The following MAMDC2 variants were observed in gnomAD, a reference collection of about 807,000 sequenced individuals.
MAMDC2 encodes the protein MAM domain containing 2, also known as MAM domain-containing protein 2.
A neutral mutation model predicts 89.8 loss-of-function variants in MAMDC2; 57 were observed. The observed-to-expected ratio is 0.63, with a 90% CI of 0.51 to 0.79. The LOEUF is 0.79. Ranked by LOEUF, MAMDC2 falls within the 30% of genes least tolerant of loss-of-function variation. MAMDC2 has a pLI of 0.00. For synonymous variants in MAMDC2, 313 were observed against 293.4 expected (o/e 1.07, Z -0.68); for missense variants, 800 against 820.6 (o/e 0.97, Z 0.31).
intron 5 of MAMDC2, chr9:70,113,694 C>G (rs1365145138): frequency 1.3e-5 from 2 of 154,320 alleles, no homozygotes; most frequent in Non-Finnish European, 2.9e-5. Flanking sequence ...GAGGAGAAGT[C>G]CTCCACAGAA....
At chr9:70,102,436 T>C (rs3015195) in intron 2 of MAMDC2, among the ~76,000 whole-genome samples, 9,761 of 152,212 alleles carry the variant, frequency 0.064, 998 homozygotes, top group African/African-American at 0.21. Flanking sequence ...ACAGTGATGG[T>C]GTGGGACTTA....
At chr9:70,044,483 G>A in intron 1 of MAMDC2, 101 bp from the exon 2 acceptor site, 2 of 1,001,034 alleles carry the variant, frequency 2.0e-6, no homozygotes, top group South Asian at 1.5e-5. Context: ...CCTCCCGCTC[G>A]TCTTTCCCCC....
At chr9:70,178,758 A>G (rs2032568098) in intron 11 of MAMDC2, among the ~76,000 whole-genome samples, 3 of 152,152 alleles carry the variant, frequency 2.0e-5, no homozygotes, top group Admixed American at 2.0e-4. Context: ...GAGTTATAAT[A>G]AGTCAAGTAA....
At chr9:70,167,707 T>C (rs1214445091) in intron 9 of MAMDC2, among the ~76,000 whole-genome samples, 6 of 152,258 alleles carry the variant, frequency 3.9e-5, no homozygotes, top group Non-Finnish European at 8.8e-5. Context: ...AAAATTTGCC[T>C]GATGGAAAGA....
In MAMDC2 at chr9:70,188,386, T is replaced by TCTGTA. The variant is rs1206064126; in HGVS notation, c.1651+17755_1651+17756insCTGTA. Among the ~76,000 whole-genome samples, 861 of 152,298 alleles carry TCTGTA rather than the reference T, an allele frequency of 5.7e-3. 9 individuals carry two copies. Among genetic ancestry groups the TCTGTA allele is most frequent in the African/African-American group, 0.02 (832 of 41,570 alleles). ...TTTCTGTATGTATTACATCTTCTTT[T>TCTGTA]TGTTCCTTTATTCTATTACTGTTTT... On this transcript the variant is annotated intron_variant, in intron 11 of 13. Transcript: ENST00000377182.
chr9:70,166,270 T>TACACAC (rs1372969228), intron 9 of MAMDC2, among the ~76,000 whole-genome samples: 191 of 35,090 alleles, frequency 5.4e-3, no homozygotes, highest in South Asian at 0.034. Flanking sequence ...GAAATATATA[T>TACACAC]ATATATACAC....
intron 11 of MAMDC2, among the ~76,000 whole-genome samples, chr9:70,171,339 T>TA (rs908797016): frequency 1.4e-5 from 2 of 148,076 alleles, no homozygotes; most frequent in African/African-American, 4.9e-5. Flanking sequence ...TCTTGACAAT[T>TA]TTTTTTTTAA....
intron 2 of MAMDC2, among the ~76,000 whole-genome samples, chr9:70,103,542 A>C (rs1024489457): frequency 3.9e-5 from 6 of 152,222 alleles, no homozygotes; most frequent in Admixed American, 1.3e-4. Flanking sequence ...TCTGAGAAAA[A>C]AAACATAGCT....
intron 7 of MAMDC2, among the ~76,000 whole-genome samples, chr9:70,136,158 A>G (rs1433255640): frequency 6.6e-6 from 1 of 152,100 alleles, no homozygotes; most frequent in Non-Finnish European, 1.5e-5. Flanking sequence ...CTCAAAAACA[A>G]AAAGCAAACA....
chr9:70,108,261 GTGC>G lies in MAMDC2; in HGVS notation c.204_206del (p.Leu69del). The G allele has an allele frequency of 1.2e-6, 2 of 1,613,124 alleles. No homozygotes were observed. Among genetic ancestry groups the G allele is most frequent in the Non-Finnish European group, 1.7e-6 (2 of 1,179,582 alleles). The stretch of plus-strand genomic sequence containing the variant: ...CTTTGGCAAGCAGGGGGAGAAAGCT[GTGC>G]TGCTAAGTCCTGACTTACAGGCTGA... On this transcript the variant is annotated inframe_deletion, in exon 3 of 14. Transcript: ENST00000377182.
chr9:70,204,730 C>T (rs374937760), intron 11 of MAMDC2, among the ~76,000 whole-genome samples: 1 of 151,892 alleles, frequency 6.6e-6, no homozygotes, highest in East Asian at 1.9e-4. Flanking sequence ...TAGGACCCTC[C>T]GAGCCAGGTG....
chr9:70,177,731 T>C (rs1158830755), intron 11 of MAMDC2, among the ~76,000 whole-genome samples: 1 of 152,168 alleles, frequency 6.6e-6, no homozygotes, highest in Non-Finnish European at 1.5e-5. Flanking sequence ...CTCACATTTG[T>C]CTGGTTCTAA....
intron 11 of MAMDC2, among the ~76,000 whole-genome samples, chr9:70,173,268 T>C (rs2032406181): frequency 6.6e-6 from 1 of 152,126 alleles, no homozygotes; most frequent in Non-Finnish European, 1.5e-5. Context: ...TGGCTCTGAT[T>C]GGAAATGTCT....
chr9:70,206,139 C>T (rs974494044), intron 11 of MAMDC2, among the ~76,000 whole-genome samples: 1 of 152,110 alleles, frequency 6.6e-6, no homozygotes, highest in African/African-American at 2.4e-5. Context: ...ATAAAGTAGT[C>T]CTCCCTTATC....
chr9:70,079,630 T>C (rs1447989079), intron 2 of MAMDC2, among the ~76,000 whole-genome samples: 1 of 152,180 alleles, frequency 6.6e-6, no homozygotes, highest in African/African-American at 2.4e-5. Flanking sequence ...GCTTCTAAAC[T>C]GCACATGTAA....
intron 11 of MAMDC2, among the ~76,000 whole-genome samples, chr9:70,213,678 T>C (rs370286012): frequency 2.0e-5 from 3 of 152,232 alleles, no homozygotes; most frequent in African/African-American, 4.8e-5. Context: ...CCTTTCATCA[T>C]TGAATGTGCA....
At chr9:70,120,579 CACAGGCT>C (rs2118311809) in intron 5 of MAMDC2, among the ~76,000 whole-genome samples, 1 of 152,306 alleles carries the variant, frequency 6.6e-6, no homozygotes, top group African/African-American at 2.4e-5. Flanking sequence ...TTCTCATATG[CACAGGCT>C]ACAAGGGAGA....
Position 70,226,024 on chromosome 9 carries a change from G to C in MAMDC2, c.2053G>C (p.Glu685Gln). Residue 685 changes from glutamate to glutamine, a missense_variant, in exon 14 of 14, where the codon GAG becomes CAG. Glu to Gln is a conservative substitution (Grantham distance 29, BLOSUM62 2). Coordinates refer to ENST00000377182, the MANE Select transcript of MAMDC2 (RefSeq NM_153267.5). ...ATATTCTGAGGACTTAAATGAAATT[G>C]AGTATTAAGAAATGATCTGCATTGG... is the stretch of plus-strand genomic sequence containing the variant. ...SGYSEDLNEI[E>Q]Y 1 of 1,563,232 alleles carries C rather than the reference G, an allele frequency of 6.4e-7. No individual in the cohort carries two copies. The highest frequency in any genetic ancestry group is 8.7e-7 in the Non-Finnish European group (1 of 1,146,744).
At chr9:70,086,259 T>C (rs1359193886) in intron 2 of MAMDC2, 2 of 152,208 alleles carry the variant, frequency 1.3e-5, no homozygotes, top group Non-Finnish European at 1.5e-5. Flanking sequence ...AATACTGTTA[T>C]ATGCTTTCAT....
Sources: gnomAD v4.1 joint callset for allele counts (sites outside exome capture counted in the v4.1 genomes callset) on GRCh38, gnomAD v4.1.1 for gene constraint, MANE v1.5 for transcripts, NCBI Gene and HGNC (gene_info 2026-07-23, HGNC 2026-07-21) for gene names.